The following ARHGEF9 variants were observed in gnomAD, a reference collection of about 807,000 sequenced individuals.
ARHGEF9 encodes Cdc42 guanine nucleotide exchange factor 9, also known as rho guanine nucleotide exchange factor 9.
ARHGEF9 carries 2 observed loss-of-function variants against 41.3 expected under a neutral mutation model. The observed-to-expected ratio is 0.05, with a 90% CI of 0.02 to 0.15. The LOEUF (loss-of-function observed/expected upper bound fraction) is 0.15. ARHGEF9 is among the 10% of genes least tolerant of loss of function. The probability of loss-of-function intolerance (pLI) is 1.00; values close to 1 mark genes in which losing one functional copy is unlikely to be tolerated. For missense variants in ARHGEF9, 225 were observed against 424.7 expected (o/e 0.53, Z 4.13); for synonymous variants, 160 against 154.4 (o/e 1.04, Z -0.27).
intron 3 of ARHGEF9, among the ~76,000 whole-genome samples, chrX:63,699,280 T>C (rs1324600649): frequency 8.9e-6 from 1 of 111,741 alleles, no homozygotes; most frequent in Admixed American, 9.5e-5. Context: ...TTCAACATAT[T>C]ACTTCTGGGT....
intron 1 of ARHGEF9, chrX:63,767,135 T>C: frequency 1.1e-6 from 1 of 936,073 alleles, no homozygotes; most frequent in Non-Finnish European, 1.5e-6. Flanking sequence ...CAGGCCATGC[T>C]GTGACAAAGC....
intron 5 of ARHGEF9, among the ~76,000 whole-genome samples, chrX:63,674,408 G>C (rs1476927588): frequency 1.8e-5 from 2 of 112,552 alleles, no homozygotes; most frequent in East Asian, 5.5e-4. Context: ...AAGAATTAAA[G>C]AAAGAGGAGA....
chrX:63,685,342 A>G (rs2050918440), intron 4 of ARHGEF9, among the ~76,000 whole-genome samples: 1 of 111,476 alleles, frequency 9.0e-6, no homozygotes, highest in Admixed American at 9.5e-5. Flanking sequence ...AAACAGTTAA[A>G]TGTTCATGGA....
At chrX:63,681,595 CAAA>C (rs1260500270) in intron 4 of ARHGEF9, among the ~76,000 whole-genome samples, 1 of 109,623 alleles carries the variant, frequency 9.1e-6, no homozygotes, top group Non-Finnish European at 1.9e-5. Context: ...TGGGATGCAG[CAAA>C]AAAAGTTCTA....
chrX:63,759,054 C>A (rs868980364), intron 1 of ARHGEF9, among the ~76,000 whole-genome samples: 1 of 111,636 alleles, frequency 9.0e-6, no homozygotes, highest in African/African-American at 3.3e-5. Context: ...AGAGAAAAAT[C>A]TAAGCCCTTA....
rs782789140 is a variant in ARHGEF9 at position 63,650,445 on chromosome X, GA to G, written c.1321+5048del. 4.2e-4 allele frequency among the ~76,000 whole-genome samples: 47 copies of G among 111,339 alleles called. No homozygotes were observed. The East Asian group carries it at 0.013, about 30-fold the overall frequency. The stretch of plus-strand genomic sequence containing the variant: ...TTATTTTCCCTCATACATGGGAGCT[GA>G]AAGGTGGATTTCATAAAGATAGAGA... On this transcript the variant is annotated intron_variant, in intron 8 of 9. Coordinates refer to ENST00000671741, the MANE Select transcript of ARHGEF9 (RefSeq NM_001353921.2).
intron 2 of ARHGEF9, chrX:63,713,210 C>A (rs781969178): frequency 9.0e-6 from 1 of 111,167 alleles, no homozygotes; most frequent in African/African-American, 3.3e-5. Flanking sequence ...AGCAAGACAT[C>A]CTTTGAGAAG....
rs1413001108 is a variant in ARHGEF9 at position 63,785,122 on chromosome X, C to G, written c.24G>C (p.Ser8=). The change falls in exon 1 of 10, where the codon TCG becomes TCC. Residue 8 remains serine, a synonymous_variant. Transcript: ENST00000671741. Reference sequence around the variant, plus strand: ...CAAGGTTACATGCACTCACCATTCCCGATCCGCCCCTTATCCACTGCATGG... The same window carrying G: ...CAAGGTTACATGCACTCACCATTCCGGATCCGCCCCTTATCCACTGCATGG... MQWIRGG[S]GMLITGDSIV... is the part of the protein sequence containing the mutation. 5 of 1,165,281 alleles carry G rather than the reference C, an allele frequency of 4.3e-6. No homozygotes were observed. The highest frequency in any genetic ancestry group is 1.9e-5 in the South Asian group (1 of 52,486).
intron 8 of ARHGEF9, among the ~76,000 whole-genome samples, chrX:63,645,611 C>A (rs1256465514): frequency 8.9e-6 from 1 of 112,234 alleles, no homozygotes; most frequent in Admixed American, 9.5e-5. Context: ...GCCACATTTT[C>A]TTAATCCAGT....
chrX:63,688,823 G>T (rs2051145903), intron 4 of ARHGEF9, among the ~76,000 whole-genome samples: 1 of 112,378 alleles, frequency 8.9e-6, no homozygotes, highest in African/African-American at 3.2e-5. Context: ...AATATAAAAA[G>T]ATGTAAACTG....
At chrX:63,768,996 A>T (rs1556453088) in intron 1 of ARHGEF9, among the ~76,000 whole-genome samples, 3 of 112,175 alleles carry the variant, frequency 2.7e-5, no homozygotes, top group African/African-American at 9.7e-5. Context: ...ACTAAAAAAA[A>T]ATCCCAAAAA....
In ARHGEF9 at chrX:63,638,179, G is replaced by C; in HGVS notation, c.1421C>G (p.Ser474Cys). Residue 474 changes from serine to cysteine, a missense_variant, in exon 10 of 10, where the codon TCC becomes TGC. Coordinates refer to ENST00000671741, the MANE Select transcript of ARHGEF9 (RefSeq NM_001353921.2). ...GVNSARSVPP[S>C]YPPPQDPLNH... is the part of the protein sequence containing the mutation. ...TAACGGGTCCTGCGGTGGTGGGTAG[G>C]AAGGAGGAACTGAGCGGGCAGAGTT... 1 of 1,195,405 alleles carries C rather than the reference G, an allele frequency of 8.4e-7. No individual in the cohort carries two copies. Among genetic ancestry groups the C allele is most frequent in the Non-Finnish European group, 1.1e-6 (1 of 887,143 alleles).
chrX:63,705,337 G>A (rs1280106909), intron 3 of ARHGEF9, among the ~76,000 whole-genome samples: 5 of 100,692 alleles, frequency 5.0e-5, no homozygotes, highest in African/African-American at 1.8e-4. Flanking sequence ...TCCGAGTCAA[G>A]AAGAAAGATA....
intron 1 of ARHGEF9, among the ~76,000 whole-genome samples, chrX:63,782,557 T>A (rs2147831581): frequency 8.9e-6 from 1 of 112,645 alleles, no homozygotes; most frequent in Admixed American, 9.4e-5. Flanking sequence ...TCTTGAACAA[T>A]GTTTTATGTT....
chrX:63,779,951 G>A (rs2056355009), intron 1 of ARHGEF9, among the ~76,000 whole-genome samples: 1 of 111,803 alleles, frequency 8.9e-6, no homozygotes, highest in Non-Finnish European at 1.9e-5. Context: ...AGCTTCCCTT[G>A]CAGCTAGCAG....
At chrX:63,647,590 C>T (rs1427835506) in intron 8 of ARHGEF9, among the ~76,000 whole-genome samples, 4 of 111,468 alleles carry the variant, frequency 3.6e-5, no homozygotes, top group African/African-American at 1.3e-4. Context: ...CCCACTTGAT[C>T]ATGGTGGATA....
At chrX:63,695,830 G>T (rs2051706694) in intron 4 of ARHGEF9, among the ~76,000 whole-genome samples, 1 of 111,460 alleles carries the variant, frequency 9.0e-6, no homozygotes, top group African/African-American at 3.3e-5. Context: ...TAGGCAGAAG[G>T]TGTCTACATG....
intron 1 of ARHGEF9, among the ~76,000 whole-genome samples, chrX:63,781,721 C>A (rs2056384397): frequency 8.9e-6 from 1 of 111,912 alleles, no homozygotes; most frequent in African/African-American, 3.3e-5. Flanking sequence ...TAAGTCAGAT[C>A]ATGTCCCTCA....
rs1311195955 is a variant in ARHGEF9 at position 63,658,917 on chromosome X, C to T, written c.1078-3180G>A. 2.7e-5 allele frequency among the ~76,000 whole-genome samples: 3 copies of T among 111,714 alleles called. No homozygotes were observed. The Admixed American group carries it at 2.9e-4, about 11-fold the overall frequency. ...GGTCACACTAATAGCTGCTCTCTGG[C>T]CCAACTATGCTTCCTATTCCAATCT... is the stretch of plus-strand genomic sequence containing the variant. On this transcript the variant is annotated intron_variant, in intron 7 of 9. Transcript: ENST00000671741.
Sources: allele counts gnomAD v4.1 joint callset (sites outside exome capture counted in the v4.1 genomes callset), GRCh38; gene constraint gnomAD v4.1.1; transcripts MANE v1.5; gene names NCBI Gene and HGNC (gene_info 2026-07-23, HGNC 2026-07-21).